NOTCH2NLC: variants seen among roughly 807,000 people sequenced by gnomAD.
The protein encoded by NOTCH2NLC is notch homolog 2 N-terminal-like protein C.
Under a neutral mutation model 17.7 loss-of-function variants are expected in NOTCH2NLC, and 4 were observed. The ratio of observed to expected loss-of-function variants is 0.23; its 90% CI spans 0.11 to 0.52. The LOEUF is 0.52. Among genes scored for constraint, NOTCH2NLC ranks in the 20% least tolerant of loss-of-function variants. The pLI is 0.96. For missense variants in NOTCH2NLC, 57 were observed against 207.2 expected (o/e 0.28, Z 4.45); for synonymous variants, 18 against 86.0 (o/e 0.21, Z 4.38).
chr1:149,391,066 GTT>G, intron 1 of NOTCH2NLC, 144 bp downstream of exon 1: 2 of 758,502 alleles, frequency 2.6e-6, no homozygotes, highest in Non-Finnish European at 3.4e-6. Flanking sequence ...GTTCCCGAGA[GTT>G]TGGACATCGC....
chr1:149,400,139 A>ATATAT (rs1570899101), intron 1 of NOTCH2NLC, among the ~76,000 whole-genome samples: 2 of 131,972 alleles, frequency 1.5e-5, no homozygotes, highest in African/African-American at 5.7e-5. Context: ...TATAATATAT[A>ATATAT]TTTTTTTTTT....
chr1:149,406,401 C>T (rs1343990438), intron 1 of NOTCH2NLC: 7 of 151,096 alleles, frequency 4.6e-5, no homozygotes, highest in Non-Finnish European at 1.0e-4. Flanking sequence ...TTCAAACATA[C>T]TGGACTTCCT....
rs1196641444 is a variant in NOTCH2NLC at position 149,390,784 on chromosome 1, C to A, written c.-4C>A. The stretch of plus-strand genomic sequence containing the variant: ...TGGGGCTCCTCTATCGGGACCCCCT[C>A]CCCATGTGGATCTGCCCAGGCGGCG... On this transcript the variant is annotated 5_prime_UTR_variant, in exon 1 of 5. Coordinates refer to ENST00000650865, the MANE Select transcript of NOTCH2NLC (RefSeq NM_001364013.2). 31 of 1,234,690 alleles carry A rather than the reference C, an allele frequency of 2.5e-5. 3 individuals are homozygous for A. The highest frequency in any genetic ancestry group is 1.8e-5 in the African/African-American group (1 of 56,118). The allele number at this position is 1,234,690 out of a possible 1,614,324, so 76.5% of individuals were successfully genotyped here.
At chr1:149,409,935 T>G (rs2084290294) in intron 1 of NOTCH2NLC, among the ~76,000 whole-genome samples, 1 of 148,552 alleles carries the variant, frequency 6.7e-6, no homozygotes, top group Non-Finnish European at 1.5e-5. Context: ...TTCAGTATCT[T>G]TTCTAGTTTG....
chr1:149,413,289 C>T (rs1323827208), intron 1 of NOTCH2NLC, among the ~76,000 whole-genome samples: 1 of 150,980 alleles, frequency 6.6e-6, no homozygotes, highest in African/African-American at 2.4e-5. Flanking sequence ...CTGGAAATGC[C>T]TGGGAATTGA....
intron 1 of NOTCH2NLC, among the ~76,000 whole-genome samples, chr1:149,416,726 G>T (rs1457506956): frequency 6.6e-6 from 1 of 150,534 alleles, no homozygotes; most frequent in Non-Finnish European, 1.5e-5. Context: ...TCAGTCATAG[G>T]GTAGTTTTTT....
chr1:149,444,972 G>T (rs2084540906), intron 2 of NOTCH2NLC, among the ~76,000 whole-genome samples: 1 of 149,750 alleles, frequency 6.7e-6, no homozygotes, highest in Non-Finnish European at 1.5e-5. Flanking sequence ...GAAAAGGGGG[G>T]GTTGAGAGTA....
At chr1:149,454,573 A>T (rs1296104597) in intron 2 of NOTCH2NLC, among the ~76,000 whole-genome samples, 17 of 150,696 alleles carry the variant, frequency 1.1e-4, no homozygotes, top group African/African-American at 2.9e-4. Context: ...TTTGGTGTTT[A>T]TATGGTATCT....
At chr1:149,417,270 C>T (rs1268756695) in intron 1 of NOTCH2NLC, among the ~76,000 whole-genome samples, 4 of 150,108 alleles carry the variant, frequency 2.7e-5, no homozygotes, top group Non-Finnish European at 4.5e-5. Context: ...CCACCACGCC[C>T]GCTAATTTTT....
At chr1:149,457,472 A>T (rs2084620292) in intron 3 of NOTCH2NLC, among the ~76,000 whole-genome samples, 1 of 125,206 alleles carries the variant, frequency 8.0e-6, no homozygotes, top group African/African-American at 3.0e-5. Flanking sequence ...AATGGAATAT[A>T]TATGTATGTA....
chr1:149,431,727 A>AT lies in NOTCH2NLC; in HGVS notation c.209+719dup, dbSNP rs1177916156. The stretch of plus-strand genomic sequence containing the variant: ...CAGTATATGTGAATATTATATTCAT[A>AT]TTTTTTTCTAGTGTAAAAAATCTAA... On this transcript the variant is annotated intron_variant, in intron 2 of 4. Coordinates refer to ENST00000650865, the MANE Select transcript of NOTCH2NLC (RefSeq NM_001364013.2). Among the ~76,000 whole-genome samples, 7 of 116,716 alleles carry AT rather than the reference A, an allele frequency of 6.0e-5. No homozygotes were observed. In the East Asian group the frequency reaches 1.1e-3, roughly 18 times the overall value. 76.6% of individuals were successfully genotyped at this position (116,716 alleles called of 152,430 possible). A position where few individuals can be genotyped will look rare whatever the true frequency, so the allele number is the denominator to read the frequency against.
chr1:149,402,108 T>C lies in NOTCH2NLC; in HGVS notation c.135+11186T>C, dbSNP rs1170308056. Among the ~76,000 whole-genome samples, 117 of 150,518 alleles carry C rather than the reference T, an allele frequency of 7.8e-4. 4 individuals are homozygous for C. The highest frequency in any genetic ancestry group is 1.6e-3 in the Non-Finnish European group (105 of 67,274). ...TCTTTTTTTTTTTTGAGTTGGAGTT[T>C]TGCTCTTGTTGCCCAGGCTGGAGTG... is the stretch of plus-strand genomic sequence containing the variant. On this transcript the variant is annotated intron_variant, in intron 1 of 4. Coordinates refer to ENST00000650865, the MANE Select transcript of NOTCH2NLC (RefSeq NM_001364013.2).
In NOTCH2NLC at chr1:149,471,420, C is replaced by T. The variant is rs1244366283; in HGVS notation, c.*7267C>T. ...CCCACATTACAAAGATTTACTACTT[C>T]TAAGTGATTTATAATTTTACCACCT... On this transcript the variant is annotated 3_prime_UTR_variant, in exon 5 of 5. Transcript: ENST00000650865. Among the ~76,000 whole-genome samples, 1 of 150,022 alleles carries T rather than the reference C, an allele frequency of 6.7e-6. No individual in the cohort carries two copies. Among genetic ancestry groups the T allele is most frequent in the Non-Finnish European group, 1.5e-5 (1 of 67,364 alleles).
chr1:149,471,767 T>G lies in NOTCH2NLC; in HGVS notation c.*7614T>G. Reference sequence around the variant, plus strand: ...GAAATATATGCTTAAAAATGGTGATTTTTGTGATATATGAATTATACTATG... The same window carrying G: ...GAAATATATGCTTAAAAATGGTGATGTTTGTGATATATGAATTATACTATG... On this transcript the variant is annotated 3_prime_UTR_variant, in exon 5 of 5. Transcript: ENST00000650865. 6.8e-6 allele frequency among the ~76,000 whole-genome samples: 1 copy of G among 148,014 alleles called. No homozygotes were observed. The highest frequency in any genetic ancestry group is 1.5e-5 in the Non-Finnish European group (1 of 66,636).
chr1:149,437,829 T>TCTTTGGCAATTTAA (rs2084492082), intron 2 of NOTCH2NLC, among the ~76,000 whole-genome samples: 1 of 150,886 alleles, frequency 6.6e-6, no homozygotes, highest in African/African-American at 2.4e-5. Flanking sequence ...AACAATTGGA[T>TCTTTGGCAATTTAA]CTTTGGCAAG....
rs1271858709 is a variant in NOTCH2NLC, at chr1:149,471,476, AT to A, written c.*7328del. 1.3e-5 allele frequency among the ~76,000 whole-genome samples: 2 copies of A among 150,650 alleles called. No homozygotes were observed. The highest frequency in any genetic ancestry group is 4.9e-5 in the African/African-American group (2 of 41,000). ...TAGGTCTCTGATCCATTTTGAGTTA[AT>A]TTTTATGTGCAAGGAGGGAGTCTAA... On this transcript the variant is annotated 3_prime_UTR_variant, in exon 5 of 5. Coordinates refer to ENST00000650865, the MANE Select transcript of NOTCH2NLC (RefSeq NM_001364013.2).
intron 2 of NOTCH2NLC, among the ~76,000 whole-genome samples, chr1:149,446,618 G>A (rs2084555349): frequency 1.3e-5 from 2 of 148,684 alleles, no homozygotes; most frequent in South Asian, 4.3e-4. Context: ...TTACAGGTGT[G>A]AGCCACTGTG....
chr1:149,460,989 C>T (rs1182622761), intron 3 of NOTCH2NLC, among the ~76,000 whole-genome samples: 3 of 145,102 alleles, frequency 2.1e-5, no homozygotes, highest in Admixed American at 1.4e-4. Flanking sequence ...TTGCTTAGTA[C>T]AGTGGCGCAG....
Position 149,390,878 on chromosome 1 carries a change from G to C in NOTCH2NLC, c.91G>C (p.Gly31Arg). 1 of 1,451,346 alleles carries C rather than the reference G, an allele frequency of 6.9e-7. No homozygotes were observed. Among genetic ancestry groups the C allele is most frequent in the Middle Eastern group, 2.4e-4 (1 of 4,098 alleles). 89.9% of individuals were successfully genotyped at this position (1,451,346 alleles called of 1,614,324 possible). The change falls in exon 1 of 5, where the codon GGG (glycine) becomes CGG (arginine). Residue 31 changes from glycine to arginine, a missense_variant. This residue lies in a region of NOTCH2NLC where 25 missense variants were observed against 27.0 expected (regional missense o/e 0.93). Transcript: ENST00000650865. Reference protein sequence around the residue: ...EDARPAPLCCGRCWRSGCAAR... With the variant: ...EDARPAPLCCRRCWRSGCAAR... Reference sequence around the variant, plus strand: ...TGCCCGCCCTGCGCCGCTCTGCTGTGGGCGCTGCTGGCGCTCTGGCTGTGC... The same window carrying C: ...TGCCCGCCCTGCGCCGCTCTGCTGTCGGCGCTGCTGGCGCTCTGGCTGTGC...
Sources: allele counts gnomAD v4.1 joint callset (sites outside exome capture counted in the v4.1 genomes callset), GRCh38; gene constraint gnomAD v4.1.1; regional missense constraint gnomAD v4.1.1; transcripts MANE v1.5; gene names NCBI Gene and HGNC (gene_info 2026-07-23, HGNC 2026-07-21).